The following MOB4 variants were observed in gnomAD, a reference collection of about 807,000 sequenced individuals.
MOB4 encodes the protein MOB-like protein phocein.
A neutral mutation model predicts 32.2 loss-of-function variants in MOB4; 4 were observed. The observed-to-expected ratio is 0.12, with a 90% CI of 0.06 to 0.28. MOB4 has a LOEUF of 0.28. MOB4 is among the 10% of genes least tolerant of loss of function. The pLI is 1.00. For missense variants in MOB4, 158 were observed against 271.2 expected (o/e 0.58, Z 2.93); for synonymous variants, 88 against 88.1 (o/e 1.00, Z 0.01).
intron 1 of MOB4, among the ~76,000 whole-genome samples, chr2:197,523,289 A>G (rs1425662853): frequency 1.3e-5 from 2 of 152,194 alleles, no homozygotes; most frequent in Non-Finnish European, 2.9e-5. Context: ...TATTCATTTA[A>G]AAAACATTAA....
chr2:197,550,778 C>A lies in MOB4; in HGVS notation c.*132C>A, dbSNP rs532623912. ...TATAGGTTTTTGTATGCTGGGTTTG[C>A]CTTTTAAAATGGGAAATACTTTTTA... On this transcript the variant is annotated 3_prime_UTR_variant, in exon 8 of 8. Coordinates refer to ENST00000323303, the MANE Select transcript of MOB4 (RefSeq NM_015387.5). 7.6e-6 allele frequency: 9 copies of A among 1,179,436 alleles called. No homozygotes were observed. The Admixed American group carries it at 2.1e-4, about 28-fold the overall frequency. 73.1% of individuals were successfully genotyped at this position (1,179,436 alleles called of 1,614,324 possible). A position where few individuals can be genotyped will look rare whatever the true frequency, so the allele number is the denominator to read the frequency against.
chr2:197,536,682 A>G (rs1574643249), intron 3 of MOB4, among the ~76,000 whole-genome samples: 1 of 131,264 alleles, frequency 7.6e-6, no homozygotes, highest in African/African-American at 2.9e-5. Context: ...GCTCACCACA[A>G]CCTCTGCCTC....
chr2:197,540,477 T>C (rs2086878149), intron 5 of MOB4, 40 bp downstream of exon 5: 1 of 1,521,512 alleles, frequency 6.6e-7, no homozygotes, highest in East Asian at 2.4e-5. Context: ...AAAATTATTA[T>C]AGCCTAAATC....
chr2:197,533,781 G>A (rs2086749708), intron 2 of MOB4: 7 of 562,328 alleles, frequency 1.2e-5, no homozygotes, highest in Non-Finnish European at 2.4e-5. Flanking sequence ...CATGGTGTGT[G>A]CGTGTGACTC....
At chr2:197,521,506 C>T (rs567838100) in intron 1 of MOB4, among the ~76,000 whole-genome samples, 29 of 152,228 alleles carry the variant, frequency 1.9e-4, no homozygotes, top group African/African-American at 4.8e-4. Flanking sequence ...TGAGAGCAAC[C>T]GGTCTGACCA....
At chr2:197,516,946 T>G (rs954083456) in intron 1 of MOB4, among the ~76,000 whole-genome samples, 1 of 152,222 alleles carries the variant, frequency 6.6e-6, no homozygotes, top group Non-Finnish European at 1.5e-5. Context: ...CTTGAACTGA[T>G]TAATTGCTAG....
intron 2 of MOB4, among the ~76,000 whole-genome samples, chr2:197,530,812 T>A (rs2086689073): frequency 6.6e-6 from 1 of 151,884 alleles, no homozygotes; most frequent in Non-Finnish European, 1.5e-5. Flanking sequence ...TTGCCCAAGG[T>A]CTCTAACTCC....
In MOB4 at chr2:197,551,746, G is replaced by A. The variant is rs1411149447; in HGVS notation, c.*1100G>A. 6.6e-6 allele frequency: 1 copy of A among 152,382 alleles called. No individual in the cohort carries two copies. Among genetic ancestry groups the A allele is most frequent in the African/African-American group, 2.4e-5 (1 of 41,452 alleles). 9.4% of individuals were successfully genotyped at this position (152,382 alleles called of 1,614,324 possible). A position where few individuals can be genotyped will look rare whatever the true frequency, so the allele number is the denominator to read the frequency against. On this transcript the variant is annotated 3_prime_UTR_variant, in exon 8 of 8. Coordinates refer to ENST00000323303, the MANE Select transcript of MOB4 (RefSeq NM_015387.5). ...ATTTGCAATAATTCATAGGTTCCAA[G>A]GGTGTTGATGAATAGTCATACATTT...
chr2:197,523,635 T>C lies in MOB4; in HGVS notation c.72T>C (p.Asn24=). The part of the protein sequence containing the change: ...RPGTKAQDFY[N]WPDESFDEMD... ...ATTTATTTTTATAGGATTTCTATAA[T>C]TGGCCTGATGAATCCTTTGATGAAA... Residue 24 remains asparagine (N), a synonymous_variant, in exon 2 of 8, where the codon AAT becomes AAC. Transcript: ENST00000323303. 1 of 1,609,686 alleles carries C rather than the reference T, an allele frequency of 6.2e-7. No individual in the cohort carries two copies. Among genetic ancestry groups the C allele is most frequent in the East Asian group, 2.2e-5 (1 of 44,848 alleles).
At chr2:197,516,246 G>C in intron 1 of MOB4, 100 bp downstream of exon 1, 1 of 1,515,102 alleles carries the variant, frequency 6.6e-7, no homozygotes, top group Non-Finnish European at 8.8e-7. Flanking sequence ...GAGGCGGCAG[G>C]CGGGCGGGCT....
chr2:197,522,677 A>G (rs67657812), intron 1 of MOB4, among the ~76,000 whole-genome samples: 63,508 of 151,786 alleles, frequency 0.42, 13,929 homozygotes, highest in South Asian at 0.56. Flanking sequence ...TAGAAATTCA[A>G]AACTCTATTT....
intron 5 of MOB4, among the ~76,000 whole-genome samples, chr2:197,547,025 C>A (rs1026828425): frequency 1.3e-5 from 2 of 152,060 alleles, no homozygotes; most frequent in Admixed American, 1.3e-4. Flanking sequence ...ATGGGAGGAT[C>A]GCTTGAGGCC....
At chr2:197,531,073 A>T in intron 2 of MOB4, among the ~76,000 whole-genome samples, 1 of 148,172 alleles carries the variant, frequency 6.7e-6, no homozygotes. Context: ...TTTGAGGCAG[A>T]GTCTCGCTCT....
chr2:197,537,472 A>G (rs1235551206), intron 3 of MOB4, among the ~76,000 whole-genome samples: 1 of 152,210 alleles, frequency 6.6e-6, no homozygotes, highest in Non-Finnish European at 1.5e-5. Context: ...CTCAACTTGT[A>G]GACAAGGCAC....
intron 2 of MOB4, among the ~76,000 whole-genome samples, chr2:197,532,232 C>G (rs569202727): frequency 4.6e-5 from 7 of 152,130 alleles, no homozygotes; most frequent in Admixed American, 3.3e-4. Flanking sequence ...TGTTTTATTT[C>G]TAAGTTAAGG....
intron 3 of MOB4, among the ~76,000 whole-genome samples, chr2:197,539,373 C>T (rs1203039395): frequency 1.4e-5 from 2 of 139,382 alleles, no homozygotes; most frequent in African/African-American, 2.7e-5. Flanking sequence ...GGCTGGAGTG[C>T]AGTAGTGTGA....
At chr2:197,539,566 C>T (rs1343496680) in intron 3 of MOB4, among the ~76,000 whole-genome samples, 11 of 152,090 alleles carry the variant, frequency 7.2e-5, no homozygotes, top group Non-Finnish European at 2.9e-5. Context: ...GATTCACCTG[C>T]CTCGGCCTCC....
intron 1 of MOB4, among the ~76,000 whole-genome samples, chr2:197,518,704 A>G (rs2086460583): frequency 6.6e-6 from 1 of 152,066 alleles, no homozygotes; most frequent in African/African-American, 2.4e-5. Context: ...CTGGGATTGC[A>G]GGTGCCTGCC....
intron 5 of MOB4, among the ~76,000 whole-genome samples, chr2:197,540,784 T>C (rs2086882859): frequency 6.6e-6 from 1 of 152,246 alleles, no homozygotes; most frequent in African/African-American, 2.4e-5. Context: ...AACTATTGAT[T>C]ACTCTGATGC....
Sources: allele counts gnomAD v4.1 joint callset (sites outside exome capture counted in the v4.1 genomes callset), GRCh38; gene constraint gnomAD v4.1.1; transcripts MANE v1.5; gene names NCBI Gene and HGNC (gene_info 2026-07-23, HGNC 2026-07-21).